The following NXPH1 variants were observed in gnomAD, a reference collection of about 807,000 sequenced individuals.
The protein encoded by NXPH1 is neurexophilin-1.
A neutral mutation model predicts 23.7 loss-of-function variants in NXPH1; 5 were observed. That is an observed-to-expected ratio of 0.21 (90% CI 0.11 to 0.44). NXPH1 has a LOEUF of 0.44. Ranked by LOEUF, NXPH1 falls within the 20% of genes least tolerant of loss-of-function variation. The pLI is 0.99. For missense variants in NXPH1, 324 were observed against 321.6 expected (o/e 1.01, Z -0.06); for synonymous variants, 144 against 122.2 (o/e 1.18, Z -1.18).
chr7:8,594,740 G>A (rs538763045), intron 2 of NXPH1, among the ~76,000 whole-genome samples: 16 of 152,086 alleles, frequency 1.1e-4, no homozygotes, highest in African/African-American at 3.9e-4. Flanking sequence ...ACTTTACTCT[G>A]GTTCAGGGAA....
At chr7:8,638,276 T>A (rs1820251188) in intron 2 of NXPH1, among the ~76,000 whole-genome samples, 1 of 152,106 alleles carries the variant, frequency 6.6e-6, no homozygotes, top group Non-Finnish European at 1.5e-5. Context: ...GAACCTGAAT[T>A]GGCACTGCTC....
intron 2 of NXPH1, among the ~76,000 whole-genome samples, chr7:8,583,238 G>A (rs986817310): frequency 2.0e-5 from 3 of 152,206 alleles, no homozygotes; most frequent in Non-Finnish European, 2.9e-5. Context: ...TAGGTACAGA[G>A]ATCTGGCATT....
At chr7:8,565,879 G>A (rs1051323414) in intron 2 of NXPH1, among the ~76,000 whole-genome samples, 2 of 151,752 alleles carry the variant, frequency 1.3e-5, no homozygotes, top group Non-Finnish European at 2.9e-5. Flanking sequence ...AGTTGTTAAA[G>A]TATTCATTTA....
At chr7:8,559,717 G>A (rs747515463) in intron 2 of NXPH1, among the ~76,000 whole-genome samples, 1 of 151,590 alleles carries the variant, frequency 6.6e-6, no homozygotes, top group Admixed American at 6.6e-5. Context: ...GTTTAGGTCC[G>A]TAAACTTCAC....
chr7:8,532,200 G>A (rs1228358471), intron 2 of NXPH1, among the ~76,000 whole-genome samples: 2 of 151,926 alleles, frequency 1.3e-5, no homozygotes, highest in Admixed American at 6.6e-5. Context: ...TGCTTTATAG[G>A]CTTTAAAAAA....
At chr7:8,666,202 G>T (rs1033189824) in intron 2 of NXPH1, among the ~76,000 whole-genome samples, 1 of 151,846 alleles carries the variant, frequency 6.6e-6, no homozygotes, top group African/African-American at 2.4e-5. Context: ...CCTTTATTGT[G>T]TTGAGGTACA....
intron 2 of NXPH1, among the ~76,000 whole-genome samples, chr7:8,436,308 C>A (rs1232113772): frequency 2.0e-5 from 3 of 152,184 alleles, no homozygotes; most frequent in Admixed American, 2.0e-4. Flanking sequence ...GTACTGCAAG[C>A]AATCGGAGTT....
chr7:8,580,011 A>G (rs1818834914), intron 2 of NXPH1, among the ~76,000 whole-genome samples: 1 of 152,180 alleles, frequency 6.6e-6, no homozygotes, highest in Admixed American at 6.5e-5. Flanking sequence ...AGAGATGGGA[A>G]GAGTCTGTGC....
chr7:8,602,672 A>C (rs2128627759), intron 2 of NXPH1, among the ~76,000 whole-genome samples: 1 of 152,152 alleles, frequency 6.6e-6, no homozygotes, highest in East Asian at 1.9e-4. Flanking sequence ...CTGGAAGGAG[A>C]GGATTGTCAT....
chr7:8,691,948 C>G (rs1181451010), intron 2 of NXPH1, among the ~76,000 whole-genome samples: 1 of 151,974 alleles, frequency 6.6e-6, no homozygotes, highest in African/African-American at 2.4e-5. Context: ...GACTGTTAAG[C>G]TAATGTCTGA....
chr7:8,554,361 A>G (rs1022310257), intron 2 of NXPH1, among the ~76,000 whole-genome samples: 1 of 151,580 alleles, frequency 6.6e-6, no homozygotes, highest in African/African-American at 2.4e-5. Flanking sequence ...TACCGACCAT[A>G]TGGTGGGAGA....
intron 2 of NXPH1, among the ~76,000 whole-genome samples, chr7:8,506,635 T>A (rs1025759464): frequency 2.6e-5 from 4 of 151,842 alleles, no homozygotes; most frequent in African/African-American, 4.8e-5. Flanking sequence ...TTGATTTGAG[T>A]GGGAAGACAG....
intron 2 of NXPH1, among the ~76,000 whole-genome samples, chr7:8,447,425 G>A (rs939991333): frequency 1.3e-5 from 2 of 152,176 alleles, no homozygotes; most frequent in African/African-American, 4.8e-5. Flanking sequence ...CTATTGATGT[G>A]GAGATTTTGC....
chr7:8,633,408 C>A (rs767088666), intron 2 of NXPH1, among the ~76,000 whole-genome samples: 1 of 152,156 alleles, frequency 6.6e-6, no homozygotes, highest in African/African-American at 2.4e-5. Context: ...AGAGACAGAG[C>A]GAGAGTCCAT....
At chr7:8,576,262 T>C (rs951724370) in intron 2 of NXPH1, among the ~76,000 whole-genome samples, 2 of 152,186 alleles carry the variant, frequency 1.3e-5, no homozygotes, top group African/African-American at 4.8e-5. Flanking sequence ...GAACACTGTG[T>C]TGGGCACTGG....
At chr7:8,684,928 T>C (rs948514284) in intron 2 of NXPH1, among the ~76,000 whole-genome samples, 1 of 152,102 alleles carries the variant, frequency 6.6e-6, no homozygotes, top group South Asian at 2.1e-4. Context: ...TGATCCAGGA[T>C]GTGTTTTAAA....
At chr7:8,463,429 T>C (rs1258703674) in intron 2 of NXPH1, among the ~76,000 whole-genome samples, 2 of 152,128 alleles carry the variant, frequency 1.3e-5, no homozygotes, top group Non-Finnish European at 2.9e-5. Context: ...ACATATACAC[T>C]CTTTCATGTG....
intron 2 of NXPH1, among the ~76,000 whole-genome samples, chr7:8,532,206 A>G (rs541247323): frequency 6.6e-6 from 1 of 152,182 alleles, no homozygotes; most frequent in African/African-American, 2.4e-5. Flanking sequence ...ATAGGCTTTA[A>G]AAAAACCATT....
chr7:8,534,719 C>G (rs1195862033), intron 2 of NXPH1, among the ~76,000 whole-genome samples: 1 of 152,036 alleles, frequency 6.6e-6, no homozygotes, highest in Non-Finnish European at 1.5e-5. Context: ...GATTTCAGGT[C>G]TCTTTTATCA....
Sources: gnomAD v4.1 joint callset for allele counts (sites outside exome capture counted in the v4.1 genomes callset) on GRCh38, gnomAD v4.1.1 for gene constraint, MANE v1.5 for transcripts, NCBI Gene and HGNC (gene_info 2026-07-23, HGNC 2026-07-21) for gene names.